SPOCK1: variants seen among roughly 807,000 people sequenced by gnomAD.
SPOCK1 encodes the protein testican-1.
Under a neutral mutation model 55.3 loss-of-function variants are expected in SPOCK1, and 23 were observed. The ratio of observed to expected loss-of-function variants is 0.42; its 90% confidence interval spans 0.30 to 0.59. The LOEUF is 0.59. SPOCK1 is among the 20% of genes least tolerant of loss of function. The pLI is 0.22. For synonymous variants in SPOCK1, 226 were observed against 221.0 expected, an observed-to-expected ratio of 1.02 and a Z score of -0.20; for missense variants, 499 against 552.5, an observed-to-expected ratio of 0.90 and a Z score of 0.97.
At chr5:137,052,841 CA>C (rs1752230828) in intron 6 of SPOCK1, among the ~76,000 whole-genome samples, 1 of 151,444 alleles carries the variant, frequency 6.6e-6, no homozygotes, top group Non-Finnish European at 1.5e-5. Flanking sequence ...TTGTATTTTG[CA>C]GTATTTTTAA....
chr5:137,395,440 G>A (rs1751823539), intron 2 of SPOCK1, among the ~76,000 whole-genome samples: 1 of 152,190 alleles, frequency 6.6e-6, no homozygotes, highest in African/African-American at 2.4e-5. Context: ...ACTGGTCTGG[G>A]ATGAGCTGGT....
chr5:136,985,247 AT>A (rs1750815774), intron 8 of SPOCK1, 45 bp from the exon 9 acceptor site: 2 of 1,533,118 alleles, frequency 1.3e-6, no homozygotes, highest in African/African-American at 2.7e-5. Flanking sequence ...GGTATGGAGT[AT>A]AATCGCTAAT....
intron 6 of SPOCK1, among the ~76,000 whole-genome samples, chr5:137,041,208 T>A (rs1178857654): frequency 6.6e-6 from 1 of 152,150 alleles, no homozygotes; most frequent in Admixed American, 6.5e-5. Context: ...TGATTTTTTT[T>A]AAAGGCACAA....
At chr5:137,269,011 A>G (rs1214538980) in intron 2 of SPOCK1, among the ~76,000 whole-genome samples, 7 of 18,350 alleles carry the variant, frequency 3.8e-4, no homozygotes, top group Non-Finnish European at 7.7e-4. Flanking sequence ...TGATTTCAAC[A>G]TATTTTATAA....
At chr5:137,395,977 C>T (rs1220432792) in intron 2 of SPOCK1, among the ~76,000 whole-genome samples, 4 of 152,224 alleles carry the variant, frequency 2.6e-5, no homozygotes, top group Non-Finnish European at 4.4e-5. Flanking sequence ...CCATTCGTAA[C>T]TCTGAATCTC....
intron 4 of SPOCK1, among the ~76,000 whole-genome samples, chr5:137,132,911 A>T (rs889914369): frequency 3.3e-5 from 5 of 152,196 alleles, no homozygotes; most frequent in African/African-American, 1.2e-4. Flanking sequence ...CAGGCCAGGC[A>T]GGAGGTAGGA....
At position 137,496,857 on chromosome 5, in the gene SPOCK1, G is replaced by A. The variant is rs367597057; in HGVS notation, c.186+1516C>T. ...TGCAAAAGACCCTAGTAGTTATTAT[G>A]TATCAATTAAAAATTTTAATGAAAT... On this transcript the variant is annotated intron_variant, in intron 2 of 10. Transcript: ENST00000394945. Among the ~76,000 whole-genome samples the A allele has an allele frequency of 4.6e-5, 7 of 152,128 alleles. No individual in the cohort carries two copies. The East Asian group carries it at 7.7e-4, about 17-fold the overall frequency.
At chr5:137,157,002 T>G (rs1432864442) in intron 3 of SPOCK1, among the ~76,000 whole-genome samples, 1 of 152,158 alleles carries the variant, frequency 6.6e-6, no homozygotes, top group East Asian at 1.9e-4. Flanking sequence ...TTATTTTTAA[T>G]AGAAAGATAT....
At chr5:137,337,719 T>A (rs924873302) in intron 2 of SPOCK1, among the ~76,000 whole-genome samples, 1 of 152,244 alleles carries the variant, frequency 6.6e-6, no homozygotes, top group Non-Finnish European at 1.5e-5. Flanking sequence ...TATATTCACA[T>A]ACACACAGAG....
At position 136,978,510 on chromosome 5, in the gene SPOCK1, G is replaced by T; in HGVS notation, c.*144C>A. The T allele has an allele frequency of 2.9e-6, 2 of 698,720 alleles. No individual in the cohort carries two copies. Among genetic ancestry groups the T allele is most frequent in the South Asian group, 3.4e-5 (1 of 29,020 alleles). 43.3% of individuals were successfully genotyped at this position (698,720 alleles called of 1,614,324 possible). ...CAAAATCAGAATCCTCTGGGAACAA[G>T]CAGTTGTCTTCCAAACCTTAGGTCG... On this transcript the variant is annotated 3_prime_UTR_variant, in exon 11 of 11. Coordinates refer to ENST00000394945, the MANE Select transcript of SPOCK1 (RefSeq NM_004598.4).
chr5:136,995,848 C>T (rs552781537), intron 6 of SPOCK1, among the ~76,000 whole-genome samples: 18 of 152,282 alleles, frequency 1.2e-4, no homozygotes, highest in African/African-American at 3.8e-4. Context: ...GGGACAAGTC[C>T]ACTAGCAGGG....
intron 2 of SPOCK1, among the ~76,000 whole-genome samples, chr5:137,296,585 A>G (rs2127134123): frequency 6.6e-6 from 1 of 152,246 alleles, no homozygotes; most frequent in Admixed American, 6.5e-5. Context: ...GAATCAGGGG[A>G]TGAAAAGGCT....
chr5:137,406,598 G>C (rs1580908459), intron 2 of SPOCK1, among the ~76,000 whole-genome samples: 1 of 152,204 alleles, frequency 6.6e-6, no homozygotes, highest in Non-Finnish European at 1.5e-5. Context: ...TTCAGAACTA[G>C]AGAAGAATAC....
rs559521849 is a variant in SPOCK1, at chr5:137,044,146, A to C, written c.589+23569T>G. On this transcript the variant is annotated intron_variant, in intron 6 of 10. Coordinates refer to ENST00000394945, the MANE Select transcript of SPOCK1 (RefSeq NM_004598.4). ...GAACAGAAGGGGAACACAGTGTTCT[A>C]AGCATAAAGAATGACCAAGAATTGA... is the stretch of plus-strand genomic sequence containing the variant. 7.9e-5 allele frequency among the ~76,000 whole-genome samples: 12 copies of C among 152,316 alleles called. No individual in the cohort carries two copies. In the South Asian group the frequency reaches 2.5e-3, roughly 32 times the overall value.
At chr5:137,050,531 C>T (rs1752184545) in intron 6 of SPOCK1, among the ~76,000 whole-genome samples, 1 of 151,288 alleles carries the variant, frequency 6.6e-6, no homozygotes, top group Non-Finnish European at 1.5e-5. Context: ...CTGGCCTGCG[C>T]CCACTGTCTG....
intron 2 of SPOCK1, among the ~76,000 whole-genome samples, chr5:137,431,642 G>A (rs1374512736): frequency 1.3e-5 from 2 of 152,208 alleles, no homozygotes; most frequent in Non-Finnish European, 2.9e-5. Flanking sequence ...TTCTTCCTCT[G>A]GCAAGACTGG....
chr5:137,460,335 A>T (rs977807740), intron 2 of SPOCK1, among the ~76,000 whole-genome samples: 6 of 152,120 alleles, frequency 3.9e-5, no homozygotes, highest in Non-Finnish European at 4.4e-5. Context: ...AACAATCTTC[A>T]CTGCAGGGGA....
chr5:136,995,931 T>G (rs571234472), intron 6 of SPOCK1, among the ~76,000 whole-genome samples: 1 of 152,162 alleles, frequency 6.6e-6, no homozygotes. Context: ...CTGGGCCCTG[T>G]TCACTCACAA....
chr5:137,477,499 A>C (rs1243249902), intron 2 of SPOCK1, among the ~76,000 whole-genome samples: 1 of 152,198 alleles, frequency 6.6e-6, no homozygotes, highest in Admixed American at 6.5e-5. Flanking sequence ...CAGACCACTC[A>C]GTTTGGGTAT....
Sources: allele counts gnomAD v4.1 joint callset (sites outside exome capture counted in the v4.1 genomes callset), GRCh38; gene constraint gnomAD v4.1.1; transcripts MANE v1.5; gene names NCBI Gene and HGNC (gene_info 2026-07-23, HGNC 2026-07-21).